The following SDCCAG8 variants were observed in gnomAD, a reference collection of about 807,000 sequenced individuals.
SDCCAG8 encodes serologically defined colon cancer antigen 8.
SDCCAG8 carries 74 observed loss-of-function variants against 101.8 expected under a neutral mutation model. That is an observed-to-expected ratio of 0.73 (90% confidence interval 0.60 to 0.88). The LOEUF is 0.88. Ranked by LOEUF, SDCCAG8 falls within the 40% of genes least tolerant of loss-of-function variation. The pLI, the probability that SDCCAG8 is intolerant of heterozygous loss-of-function variation, is 0.00. For missense variants in SDCCAG8, 787 were observed against 822.6 expected (o/e 0.96, Z 0.53); for synonymous variants, 281 against 292.9 (o/e 0.96, Z 0.41).
At chr1:243,349,951 G>A (rs1441734637) in intron 12 of SDCCAG8, among the ~76,000 whole-genome samples, 2 of 151,986 alleles carry the variant, frequency 1.3e-5, no homozygotes, top group Non-Finnish European at 2.9e-5. Context: ...TATTCAGGGT[G>A]GGGTATCTCT....
At chr1:243,435,404 A>T (rs1292340136) in intron 16 of SDCCAG8, among the ~76,000 whole-genome samples, 2 of 152,222 alleles carry the variant, frequency 1.3e-5, no homozygotes, top group Non-Finnish European at 2.9e-5. Context: ...AGTTCCTGGC[A>T]CAACGTTAGT....
chr1:243,322,543 A>G (rs1403073871), intron 9 of SDCCAG8, among the ~76,000 whole-genome samples: 2 of 152,206 alleles, frequency 1.3e-5, no homozygotes, highest in African/African-American at 2.4e-5. Flanking sequence ...AGTCTGCACT[A>G]GTCCCTTGGT....
intron 12 of SDCCAG8, among the ~76,000 whole-genome samples, chr1:243,361,065 C>T (rs2076682919): frequency 6.6e-6 from 1 of 152,148 alleles, no homozygotes; most frequent in Non-Finnish European, 1.5e-5. Flanking sequence ...TCCGAGCTCT[C>T]TTGGATCCTC....
intron 9 of SDCCAG8, among the ~76,000 whole-genome samples, chr1:243,323,776 C>T (rs748147390): frequency 6.6e-6 from 1 of 152,158 alleles, no homozygotes; most frequent in Non-Finnish European, 1.5e-5. Context: ...ATTACCAAAC[C>T]CAGTGACCTC....
In SDCCAG8 at chr1:243,426,523, C is replaced by A; in HGVS notation, c.1950C>A (p.Val650=). 1 of 1,613,898 alleles carries A rather than the reference C, an allele frequency of 6.2e-7. No homozygotes were observed. The highest frequency in any genetic ancestry group is 8.5e-7 in the Non-Finnish European group (1 of 1,179,888). The change falls in exon 16 of 18, where the codon GTC becomes GTA. Residue 650 remains valine, a synonymous_variant. Transcript: ENST00000366541. ...ATGAAGAATTGGAGGAACAGTGTGT[C>A]CAGCATGGGAGAGTACATGAGACGA... ...RRNEELEEQC[V]QHGRVHETMK... is the part of the protein sequence containing the mutation.
At chr1:243,379,558 A>G (rs1351422977) in intron 13 of SDCCAG8, among the ~76,000 whole-genome samples, 1 of 150,520 alleles carries the variant, frequency 6.6e-6, no homozygotes, top group Non-Finnish European at 1.5e-5. Context: ...ACACACACAT[A>G]CACACACACA....
chr1:243,442,445 G>A (rs1192384108), intron 16 of SDCCAG8, among the ~76,000 whole-genome samples: 2 of 152,114 alleles, frequency 1.3e-5, no homozygotes, highest in Non-Finnish European at 2.9e-5. Flanking sequence ...GCTGTGATGC[G>A]TCTACAGCCA....
chr1:243,291,274 T>C (rs1008320138), intron 5 of SDCCAG8, among the ~76,000 whole-genome samples: 1 of 152,224 alleles, frequency 6.6e-6, no homozygotes, highest in Non-Finnish European at 1.5e-5. Context: ...GCTTACTACA[T>C]TGAATGTTGA....
intron 9 of SDCCAG8, among the ~76,000 whole-genome samples, chr1:243,324,852 T>C (rs2074032722): frequency 6.6e-6 from 1 of 152,210 alleles, no homozygotes; most frequent in African/African-American, 2.4e-5. Flanking sequence ...ACTCTACTCT[T>C]TCATGTCACC....
At chr1:243,371,391 G>C (rs1322911332) in intron 12 of SDCCAG8, among the ~76,000 whole-genome samples, 1 of 152,056 alleles carries the variant, frequency 6.6e-6, no homozygotes, top group African/African-American at 2.4e-5. Flanking sequence ...ACATCTGTGA[G>C]CTTCAGTTTT....
intron 16 of SDCCAG8, among the ~76,000 whole-genome samples, chr1:243,487,622 T>A (rs1665249632): frequency 6.6e-6 from 1 of 152,058 alleles, no homozygotes; most frequent in African/African-American, 2.4e-5. Context: ...AGGGCGTCCC[T>A]TAGTCCTTAC....
chr1:243,473,919 C>CGGGGGGGG (rs1460893006), intron 16 of SDCCAG8, among the ~76,000 whole-genome samples: 1 of 3,438 alleles, frequency 2.9e-4, no homozygotes, highest in African/African-American at 9.7e-4. Flanking sequence ...GGAGAGTTGC[C>CGGGGGGGG]GGCGGGGGGG....
chr1:243,258,694 G>A (rs923735770), intron 1 of SDCCAG8, among the ~76,000 whole-genome samples: 1 of 152,164 alleles, frequency 6.6e-6, no homozygotes, highest in Non-Finnish European at 1.5e-5. Context: ...GTGAGCCACC[G>A]CGCCCGGCTG....
At chr1:243,331,734 G>A (rs954007725) in intron 10 of SDCCAG8, among the ~76,000 whole-genome samples, 9 of 152,028 alleles carry the variant, frequency 5.9e-5, no homozygotes, top group African/African-American at 1.5e-4. Flanking sequence ...CGGTGTCCAC[G>A]GTCCTTTCAG....
At position 243,316,821 on chromosome 1, in the gene SDCCAG8, A is replaced by G. The variant is rs142658750; in HGVS notation, c.996A>G (p.Arg332=). ...VRSSLADTQQ[R]EASAYEQVKQ... ...GCAGCTTGGCAGATACGCAGCAAAGAGAAGCAAGTGCTTATGAACAGGTGA... is the reference window on the plus strand; with the variant it reads ...GCAGCTTGGCAGATACGCAGCAAAGGGAAGCAAGTGCTTATGAACAGGTGA... The change falls in exon 9 of 18, where the codon AGA becomes AGG. Residue 332 remains arginine (R), a synonymous_variant. Transcript: ENST00000366541. The G allele has an allele frequency of 5.1e-5, 82 of 1,614,142 alleles. No homozygotes were observed. The highest frequency in any genetic ancestry group is 6.3e-5 in the Non-Finnish European group (74 of 1,180,046).
chr1:243,291,970 A>G (rs939776198), intron 5 of SDCCAG8, among the ~76,000 whole-genome samples: 1 of 152,202 alleles, frequency 6.6e-6, no homozygotes, highest in Non-Finnish European at 1.5e-5. Flanking sequence ...AAATTCAGGG[A>G]AACACTTTGC....
intron 1 of SDCCAG8, among the ~76,000 whole-genome samples, chr1:243,257,075 T>C (rs2066793675): frequency 6.6e-6 from 1 of 152,222 alleles, no homozygotes; most frequent in African/African-American, 2.4e-5. Flanking sequence ...ATGGAAGTTA[T>C]GGAATTGTCC....
intron 1 of SDCCAG8, among the ~76,000 whole-genome samples, chr1:243,269,639 C>T (rs74150963): frequency 0.052 from 7,982 of 152,078 alleles, 707 homozygotes; most frequent in African/African-American, 0.18. Flanking sequence ...TTCCTGTCCC[C>T]AGGGACAATG....
rs115847009 is a variant in SDCCAG8, at chr1:243,392,239, C to T, written c.1616+13376C>T. Among the ~76,000 whole-genome samples the T allele has an allele frequency of 8.5e-3, 1,295 of 152,186 alleles. 19 individuals carry two copies. The highest frequency in any genetic ancestry group is 0.027 in the African/African-American group (1,133 of 41,508). On this transcript the variant is annotated intron_variant, in intron 13 of 17. Transcript: ENST00000366541. The stretch of plus-strand genomic sequence containing the variant: ...TTAATGAGTAGTCAGTGTATTGATC[C>T]GTCTAGAAAACTTTAGAGCAATTAA...
Sources: gnomAD v4.1 joint callset for allele counts (sites outside exome capture counted in the v4.1 genomes callset) on GRCh38, gnomAD v4.1.1 for gene constraint, MANE v1.5 for transcripts, NCBI Gene and HGNC (gene_info 2026-07-23, HGNC 2026-07-21) for gene names.